Variants in PSD4 observed in about 807,000 individuals in gnomAD.
PSD4 encodes the protein PH and SEC7 domain-containing protein 4.
Under a neutral mutation model 112.5 loss-of-function variants are expected in PSD4, and 59 were observed. That is an observed-to-expected ratio of 0.52 (90% CI 0.43 to 0.65). The LOEUF (loss-of-function observed/expected upper bound fraction) is 0.65, where lower values mean the gene tolerates loss of function less well. Among genes scored for constraint, PSD4 ranks in the 30% least tolerant of loss-of-function variants. PSD4 has a pLI of 0.00. For missense variants in PSD4, 1,267 were observed against 1,352.6 expected, an observed-to-expected ratio of 0.94 and a Z score of 0.99; for synonymous variants, 533 against 540.0, an observed-to-expected ratio of 0.99 and a Z score of 0.18.
Position 113,195,996 on chromosome 2 carries a change from A to G in PSD4, c.2226-151A>G, listed in dbSNP as rs149256562. On this transcript the variant is annotated intron_variant, in intron 11 of 16. Transcript: ENST00000245796. The stretch of plus-strand genomic sequence containing the variant: ...GGTATGGCAGAATTTTCAGGAATTG[A>G]TGGGTTCACTGTGAAGGAGGACTCC... The G allele has an allele frequency of 1.8e-5, 20 of 1,106,076 alleles. No individual in the cohort carries two copies. In the Admixed American group the frequency reaches 3.7e-4, roughly 20 times the overall value. The allele number at this position is 1,106,076 out of a possible 1,614,324, so 68.5% of individuals were successfully genotyped here.
At chr2:113,185,572 A>C in intron 4 of PSD4, 132 bp downstream of exon 4, 1 of 1,568,530 alleles carries the variant, frequency 6.4e-7, no homozygotes, top group Non-Finnish European at 8.6e-7. Flanking sequence ...AGCCAGACAG[A>C]CTTGGGGTTA....
chr2:113,192,397 C>T lies in PSD4; in HGVS notation c.1646C>T (p.Pro549Leu), dbSNP rs146593284. Residue 549 changes from proline to leucine, a missense_variant, in exon 6 of 17, where the codon CCG becomes CTG. Around this residue, in one of 2 missense-constraint regions of PSD4, gnomAD observed 723 missense variants for 704.0 expected, o/e 1.03. Transcript: ENST00000245796. ...TSAEHENLRT[P>L]MNSSWLPGSP... is the part of the protein sequence containing the mutation. ...ATCTCAAGTGAGAATCTGAGGACAC[C>T]GATGAACTCTTCTTGGCTTCCTGGG... 206 of 1,614,056 alleles carry T rather than the reference C, an allele frequency of 1.3e-4. No homozygotes were observed. Among genetic ancestry groups the T allele is most frequent in the Non-Finnish European group, 1.6e-4 (189 of 1,180,006 alleles).
Position 113,193,626 on chromosome 2 carries a change from GC to G in PSD4, c.2068del (p.Asn691ThrfsTer13). ...VHTLTCAIML[L>X]NTDLHGQNIG... is the part of the protein sequence containing the mutation. ...ACACCTTGACATGTGCAATCATGCTGCTTAACACGGACCTGCATGGACAGGT... is the reference window on the plus strand; with the variant it reads ...ACACCTTGACATGTGCAATCATGCTGTTAACACGGACCTGCATGGACAGGT... On this transcript the variant is annotated frameshift_variant, in exon 9 of 17. Coordinates refer to ENST00000245796, the MANE Select transcript of PSD4 (RefSeq NM_012455.3). LOFTEE classifies it high-confidence loss of function. 6.2e-7 allele frequency: 1 copy of G among 1,613,894 alleles called. No homozygotes were observed. The highest frequency in any genetic ancestry group is 8.5e-7 in the Non-Finnish European group (1 of 1,179,770).
chr2:113,197,533 C>T (rs4331507), intron 12 of PSD4, 31 bp from the exon 13 acceptor site: 1 of 1,612,532 alleles, frequency 6.2e-7, no homozygotes, highest in Non-Finnish European at 8.5e-7. Flanking sequence ...GTGCCCCCAC[C>T]TACAACATTT....
Position 113,192,429 on chromosome 2 carries a change from A to G in PSD4, c.1678A>G (p.Met560Val), listed in dbSNP as rs1688468440. 1.9e-6 allele frequency: 3 copies of G among 1,614,216 alleles called. No homozygotes were observed. The highest frequency in any genetic ancestry group is 2.5e-6 in the Non-Finnish European group (3 of 1,180,042). The change falls in exon 6 of 17, where the codon ATG becomes GTG. Residue 560 changes from methionine (M) to valine (V), a missense_variant. Physicochemically the swap from Met to Val is conservative, Grantham distance 21. Around this residue, in one of 2 missense-constraint regions of PSD4, gnomAD observed 723 missense variants for 704.0 expected, o/e 1.03. Transcript: ENST00000245796. Reference protein sequence around the residue: ...MNSSWLPGSPMPQAQSPEEGQ... With the variant: ...MNSSWLPGSPVPQAQSPEEGQ... ...CTCTTCTTGGCTTCCTGGGAGCCCT[A>G]TGCCCCAAGCACAGTCCCCAGAGGA...
chr2:113,192,815 A>G (rs997583822), intron 6 of PSD4, among the ~76,000 whole-genome samples: 16 of 152,120 alleles, frequency 1.1e-4, no homozygotes, highest in Non-Finnish European at 2.4e-4. Context: ...TGCCTTGCCA[A>G]CCAGACTCCA....
At chr2:113,188,957 G>T (rs1688378625) in intron 5 of PSD4, among the ~76,000 whole-genome samples, 1 of 152,118 alleles carries the variant, frequency 6.6e-6, no homozygotes, top group Non-Finnish European at 1.5e-5. Context: ...GTGTTTGGTT[G>T]CATGAATAAG....
chr2:113,197,446 T>C, intron 12 of PSD4, 118 bp from the exon 13 acceptor site: 2 of 1,013,524 alleles, frequency 2.0e-6, no homozygotes, highest in Non-Finnish European at 3.1e-6. Flanking sequence ...GTGTGCATCC[T>C]GGTGAGAGAC....
Position 113,201,279 on chromosome 2 carries a change from T to C in PSD4, c.3035T>C (p.Leu1012Pro), listed in dbSNP as rs1401883398. The C allele has an allele frequency of 6.2e-7, 1 of 1,614,080 alleles. No homozygotes were observed. Among genetic ancestry groups the C allele is most frequent in the Non-Finnish European group, 8.5e-7 (1 of 1,180,024 alleles). Residue 1012 changes from leucine to proline, a missense_variant, in exon 17 of 17, where the codon CTC becomes CCC. Leu to Pro is a moderately conservative substitution (Grantham distance 98, BLOSUM62 -3). Around this residue, in one of 2 missense-constraint regions of PSD4, gnomAD observed 544 missense variants for 648.6 expected, o/e 0.84. Transcript: ENST00000245796. ...GCTGGAGGCACTCGGGAGCCCAAGCTCAGCCTGAAGAAGTCCCACTCGAGC... is the reference window on the plus strand; with the variant it reads ...GCTGGAGGCACTCGGGAGCCCAAGCCCAGCCTGAAGAAGTCCCACTCGAGC... ...REAGGTREPK[L>P]SLKKSHSSPS...
chr2:113,188,935 G>A lies in PSD4; in HGVS notation c.1628+2680G>A, dbSNP rs45611638. 4.6e-3 allele frequency among the ~76,000 whole-genome samples: 707 copies of A among 152,140 alleles called. 2 individuals are homozygous for A. Among genetic ancestry groups the A allele is most frequent in the African/African-American group, 0.016 (672 of 41,498 alleles). The stretch of plus-strand genomic sequence containing the variant: ...ATAATTTTTATTTCCATAGGTTATT[G>A]GGGAACAAGCAGTGTTTGGTTGCAT... On this transcript the variant is annotated intron_variant, in intron 5 of 16. Transcript: ENST00000245796.
At position 113,193,144 on chromosome 2, in the gene PSD4, CCT is replaced by C. The variant is rs755228999; in HGVS notation, c.1919+21_1919+22del. On this transcript the variant is annotated intron_variant, in intron 7 of 16. Transcript: ENST00000245796. ...GAGCCCTCCGGTAATGTCTTTGGGC[CCT>C]CTCTGGGGAGGCTGTGGAGGATGGC... The C allele has an allele frequency of 3.2e-5, 52 of 1,612,342 alleles. 3 individuals are homozygous for C. The highest frequency in any genetic ancestry group is 1.6e-4 in the East Asian group (7 of 44,872).
chr2:113,195,873 G>A (rs1688593970), intron 11 of PSD4, 103 bp downstream of exon 11: 1 of 1,494,058 alleles, frequency 6.7e-7, no homozygotes, highest in Non-Finnish European at 9.3e-7. Context: ...CTCAGATAGT[G>A]CTCCCCTTGG....
Position 113,205,390 on chromosome 2 carries a change from G to A in PSD4, c.*3975G>A, listed in dbSNP as rs1688849004. 2 of 152,314 alleles carry A rather than the reference G, an allele frequency of 1.3e-5. No homozygotes were observed. Among genetic ancestry groups the A allele is most frequent in the African/African-American group, 2.4e-5 (1 of 41,576 alleles). The allele number at this position is 152,314 out of a possible 1,614,324, so 9.4% of individuals were successfully genotyped here. ...CATGCCTGTAATCCCAGCACTTTGGGAGGCTGAAGCGGGCGCATCACCTGA... is the reference window on the plus strand; with the variant it reads ...CATGCCTGTAATCCCAGCACTTTGGAAGGCTGAAGCGGGCGCATCACCTGA... On this transcript the variant is annotated 3_prime_UTR_variant, in exon 17 of 17. Transcript: ENST00000245796.
Position 113,207,107 on chromosome 2 carries a change from G to GTGACTCTC in PSD4, c.*5695_*5702dup, listed in dbSNP as rs1688872974. ...TTTCTTGGTGCAAATATAGCAGAAA[G>GTGACTCTC]TGACTCTCTGCTTCCTGGAAGTTTC... On this transcript the variant is annotated 3_prime_UTR_variant, in exon 17 of 17. Transcript: ENST00000245796. 1 of 152,160 alleles carries GTGACTCTC rather than the reference G, an allele frequency of 6.6e-6. No individual in the cohort carries two copies. The highest frequency in any genetic ancestry group is 1.5e-5 in the Non-Finnish European group (1 of 68,046). 9.4% of individuals were successfully genotyped at this position (152,160 alleles called of 1,614,324 possible).
Position 113,208,534 on chromosome 2 carries a change from G to A in PSD4, c.*7119G>A, listed in dbSNP as rs1293977002. On this transcript the variant is annotated 3_prime_UTR_variant, in exon 17 of 17. Coordinates refer to ENST00000245796, the MANE Select transcript of PSD4 (RefSeq NM_012455.3). ...TTTGCTTTGAAAGATCACACACCAG[G>A]ATACATACAGAGATGTGACCCGGAT... is the stretch of plus-strand genomic sequence containing the variant. 2 of 152,182 alleles carry A rather than the reference G, an allele frequency of 1.3e-5. No individual in the cohort carries two copies. The highest frequency in any genetic ancestry group is 4.8e-5 in the African/African-American group (2 of 41,444). 9.4% of individuals were successfully genotyped at this position (152,182 alleles called of 1,614,324 possible). A position where few individuals can be genotyped will look rare whatever the true frequency, so the allele number is the denominator to read the frequency against.
intron 1 of PSD4, among the ~76,000 whole-genome samples, chr2:113,178,909 G>C (rs1175828781): frequency 6.6e-6 from 1 of 152,104 alleles, no homozygotes; most frequent in African/African-American, 2.4e-5. Context: ...GTGGCTTTGG[G>C]GTCTGGGAAG....
rs574568879 is a variant in PSD4, at chr2:113,192,050, C to T, written c.1629-330C>T. Among the ~76,000 whole-genome samples, 31 of 151,848 alleles carry T rather than the reference C, an allele frequency of 2.0e-4. No individual in the cohort carries two copies. The East Asian group carries it at 4.4e-3, about 22-fold the overall frequency. On this transcript the variant is annotated intron_variant, in intron 5 of 16. Transcript: ENST00000245796. ...AGGACAGGTGAGGGAGACAATCCCA[C>T]GTGCCTTGCATTGGAGAAAACAACG...
Position 113,206,215 on chromosome 2 carries a change from C to G in PSD4, c.*4800C>G, listed in dbSNP as rs997675996. 3.3e-5 allele frequency: 5 copies of G among 152,338 alleles called. No homozygotes were observed. The highest frequency in any genetic ancestry group is 7.3e-5 in the Non-Finnish European group (5 of 68,086). 9.4% of individuals were successfully genotyped at this position (152,338 alleles called of 1,614,324 possible). On this transcript the variant is annotated 3_prime_UTR_variant, in exon 17 of 17. Coordinates refer to ENST00000245796, the MANE Select transcript of PSD4 (RefSeq NM_012455.3). The stretch of plus-strand genomic sequence containing the variant: ...ACTCTCTTGCTTTCCATAGCTGACC[C>G]TGGCTTCCCTGCTTTCTGTGATGAA...
Position 113,186,156 on chromosome 2 carries a change from A to G in PSD4, c.1529A>G (p.Glu510Gly). The G allele has an allele frequency of 1.9e-6, 3 of 1,614,178 alleles. No individual in the cohort carries two copies. Among genetic ancestry groups the G allele is most frequent in the Non-Finnish European group, 2.5e-6 (3 of 1,180,034 alleles). ...TCCTTGAAGAAAAAGGAGGCAGGGG[A>G]GGCCCCAAAACCAGGCGAGGAAGTA... ...PSSLKKKEAGEAPKPGEEVKS... is the reference protein window; with the variant it reads ...PSSLKKKEAGGAPKPGEEVKS... Residue 510 changes from glutamate to glycine, a missense_variant, in exon 5 of 17, where the codon GAG becomes GGG. Physicochemically the swap from Glu to Gly is moderately conservative, Grantham distance 98. This residue lies in a region of PSD4 where 723 missense variants were observed against 704.0 expected (regional missense o/e 1.03). Transcript: ENST00000245796.
Sources: gnomAD v4.1 joint callset for allele counts (sites outside exome capture counted in the v4.1 genomes callset) on GRCh38, gnomAD v4.1.1 for gene constraint, gnomAD v4.1.1 regional missense constraint, MANE v1.5 for transcripts, NCBI Gene and HGNC (gene_info 2026-07-23, HGNC 2026-07-21) for gene names.